The following PSMG2 variants were observed in gnomAD, a reference collection of about 807,000 sequenced individuals.
PSMG2 encodes the protein proteasome assembly chaperone 2.
In PSMG2, 21 loss-of-function variants were observed where a neutral mutation model predicts 31.5. The ratio of observed to expected loss-of-function variants is 0.67; its 90% confidence interval spans 0.47 to 0.96. PSMG2 has a LOEUF of 0.96. PSMG2 is among the 40% of genes least tolerant of loss of function. The pLI is 0.00. For synonymous variants in PSMG2, 120 were observed against 110.4 expected, an observed-to-expected ratio of 1.09 and a Z score of -0.54; for missense variants, 318 against 321.2, an observed-to-expected ratio of 0.99 and a Z score of 0.08.
intron 1 of PSMG2, among the ~76,000 whole-genome samples, chr18:12,705,608 G>A (rs1015662089): frequency 3.3e-5 from 4 of 122,942 alleles, no homozygotes; most frequent in Admixed American, 2.7e-4. Context: ...TGTGTGTTTA[G>A]TGTGAAAAGA....
intron 1 of PSMG2, among the ~76,000 whole-genome samples, chr18:12,682,766 C>T (rs1267667274): frequency 1.3e-5 from 2 of 151,892 alleles, no homozygotes; most frequent in African/African-American, 2.4e-5. Flanking sequence ...GGACTACAGG[C>T]GTGCACCACC....
intron 3 of PSMG2, among the ~76,000 whole-genome samples, chr18:12,715,366 A>T (rs2040366922): frequency 6.6e-6 from 1 of 152,186 alleles, no homozygotes; most frequent in Non-Finnish European, 1.5e-5. Flanking sequence ...TCCCCAGCTC[A>T]TAAGATAGTG....
rs1046653667 is a variant in PSMG2, at chr18:12,673,295, A to T, written c.-37+14522A>T. ...TGATTTTAAAATAACAAACCTCTAA[A>T]TAGCTAAGTAATGTACAATGTGTAA... is the stretch of plus-strand genomic sequence containing the variant. On this transcript the variant is annotated intron_variant, in intron 1 of 6. Coordinates refer to the PSMG2 transcript ENST00000585331. 8 of 1,518,866 alleles carry T rather than the reference A, an allele frequency of 5.3e-6. No homozygotes were observed. The African/African-American group carries it at 1.0e-4, about 19-fold the overall frequency. 94.1% of individuals were successfully genotyped at this position (1,518,866 alleles called of 1,614,324 possible).
At chr18:12,660,717 T>C (rs1791872829) in intron 1 of PSMG2, among the ~76,000 whole-genome samples, 2 of 152,086 alleles carry the variant, frequency 1.3e-5, no homozygotes, top group Non-Finnish European at 2.9e-5. Context: ...GAGACATTAC[T>C]GCACTGTATC....
chr18:12,707,767 C>G (rs2040284505), intron 2 of PSMG2, among the ~76,000 whole-genome samples: 1 of 152,178 alleles, frequency 6.6e-6, no homozygotes, highest in African/African-American at 2.4e-5. Flanking sequence ...CCAGAGGTGA[C>G]AGAAGAGCAT....
intron 1 of PSMG2, among the ~76,000 whole-genome samples, chr18:12,673,722 A>G (rs45589535): frequency 0.28 from 41,939 of 151,802 alleles, 5,950 homozygotes; most frequent in Non-Finnish European, 0.32. Context: ...TCTACTAAAA[A>G]TTACAAAAAT....
At chr18:12,681,695 G>C (rs2039355005) in intron 1 of PSMG2, among the ~76,000 whole-genome samples, 1 of 151,938 alleles carries the variant, frequency 6.6e-6, no homozygotes, top group Admixed American at 6.6e-5. Flanking sequence ...ACATACATAA[G>C]AAAAATGACT....
chr18:12,698,466 G>C (rs894265994), upstream of PSMG2, among the ~76,000 whole-genome samples: 1 of 152,042 alleles, frequency 6.6e-6, no homozygotes, highest in African/African-American at 2.4e-5. Context: ...ACCACACCCA[G>C]CCTATTTTTT....
rs531171236 is a variant in PSMG2 at position 12,673,270 on chromosome 18, T to C, written c.-37+14497T>C. ...GAAGTATGCCATTCAAGCCAGATTGTGATTTTAAAATAACAAACCTCTAAA... is the reference window on the plus strand; with the variant it reads ...GAAGTATGCCATTCAAGCCAGATTGCGATTTTAAAATAACAAACCTCTAAA... On this transcript the variant is annotated intron_variant, in intron 1 of 6. Transcript: ENST00000585331. 23 of 1,480,910 alleles carry C rather than the reference T, an allele frequency of 1.6e-5. No homozygotes were observed. In the African/African-American group the frequency reaches 1.8e-4, roughly 11 times the overall value. 91.7% of individuals were successfully genotyped at this position (1,480,910 alleles called of 1,614,324 possible).
intron 1 of PSMG2, chr18:12,674,389 C>T: frequency 1.7e-6 from 1 of 604,412 alleles, no homozygotes; most frequent in African/African-American, 1.9e-5. Context: ...CTACAGTGAG[C>T]CATAACTGTG....
At chr18:12,684,311 T>G (rs2039461476) in intron 1 of PSMG2, 1 of 151,784 alleles carries the variant, frequency 6.6e-6, no homozygotes, top group Admixed American at 6.6e-5. Flanking sequence ...AGAGGGATTT[T>G]GCCATGTTGC....
At chr18:12,696,784 A>T (rs1430106858) in intron 1 of PSMG2, among the ~76,000 whole-genome samples, 3 of 152,062 alleles carry the variant, frequency 2.0e-5, no homozygotes, top group African/African-American at 7.2e-5. Flanking sequence ...TCCGAGTCTC[A>T]CTCACCCACA....
intron 1 of PSMG2, among the ~76,000 whole-genome samples, chr18:12,690,275 T>C (rs998957816): frequency 2.6e-5 from 4 of 152,202 alleles, no homozygotes; most frequent in African/African-American, 7.2e-5. Flanking sequence ...ACTTTTAGCC[T>C]GTTCCAAAAT....
rs1194467663 is a variant in PSMG2, at chr18:12,697,370, A to G, written c.-36-9180A>G. 2 of 1,612,556 alleles carry G rather than the reference A, an allele frequency of 1.2e-6. No homozygotes were observed. The highest frequency in any genetic ancestry group is 4.5e-5 in the East Asian group (2 of 44,848). On this transcript the variant is annotated intron_variant, in intron 1 of 6. Transcript: ENST00000585331. ...ACCATATGAATTGGATCACTTATTG[A>G]TAACATTGTTGTTGAATCAGCCATT...
chr18:12,668,626 A>T (rs1364592839), intron 1 of PSMG2, among the ~76,000 whole-genome samples: 1 of 140,968 alleles, frequency 7.1e-6, no homozygotes, highest in East Asian at 2.0e-4. Context: ...AAAAAAAAAA[A>T]AAATAGTGAA....
At chr18:12,674,581 T>G (rs1230224495) in intron 1 of PSMG2, 1 of 1,614,072 alleles carries the variant, frequency 6.2e-7, no homozygotes, top group African/African-American at 1.3e-5. Flanking sequence ...ATACACAAAA[T>G]GTATTGGGAA....
intron 1 of PSMG2, chr18:12,697,211 T>C: frequency 6.4e-7 from 1 of 1,572,740 alleles, no homozygotes. Context: ...AATGATATAT[T>C]AATCACCATA....
chr18:12,700,922 A>G, upstream of PSMG2: 1 of 789,882 alleles, frequency 1.3e-6, no homozygotes, highest in Non-Finnish European at 1.9e-6. Context: ...GTATATACAT[A>G]TATACTCTCA....
chr18:12,674,903 T>C (rs1341144006), intron 1 of PSMG2: 10 of 499,280 alleles, frequency 2.0e-5, no homozygotes, highest in African/African-American at 6.0e-5. Context: ...TAGGGATACA[T>C]AGAAATAAAA....
Sources: gnomAD v4.1 joint callset for allele counts (sites outside exome capture counted in the v4.1 genomes callset) on GRCh38, gnomAD v4.1.1 for gene constraint, MANE v1.5 for transcripts, NCBI Gene and HGNC (gene_info 2026-07-23, HGNC 2026-07-21) for gene names.